Variants in SEMA3A observed in about 807,000 individuals in gnomAD.
SEMA3A encodes the protein semaphorin-3A.
Under a neutral mutation model 97.9 loss-of-function variants are expected in SEMA3A, and 29 were observed. The observed-to-expected ratio is 0.30, with a 90% CI of 0.22 to 0.40. The LOEUF is 0.40. SEMA3A is among the 10% of genes least tolerant of loss of function. The pLI, the probability that SEMA3A is intolerant of heterozygous loss-of-function variation, is 1.00. For synonymous variants in SEMA3A, 321 were observed against 323.7 expected (o/e 0.99, Z 0.09); for missense variants, 763 against 951.3 (o/e 0.80, Z 2.60).
chr7:84,405,640 T>G (rs1046806867), intron 1 of SEMA3A, among the ~76,000 whole-genome samples: 1 of 152,194 alleles, frequency 6.6e-6, no homozygotes, highest in Non-Finnish European at 1.5e-5. Flanking sequence ...ACCACATAGT[T>G]GGAAGTAAAG....
intron 4 of SEMA3A, among the ~76,000 whole-genome samples, chr7:84,104,434 GC>G (rs1562784925): frequency 6.6e-6 from 1 of 152,078 alleles, no homozygotes; most frequent in East Asian, 1.9e-4. Flanking sequence ...GGGAAAAAAA[GC>G]TGTCAAGTAT....
intron 13 of SEMA3A, among the ~76,000 whole-genome samples, chr7:83,984,322 G>A (rs1789541587): frequency 6.6e-6 from 1 of 152,128 alleles, no homozygotes; most frequent in South Asian, 2.1e-4. Context: ...TACTTATGCA[G>A]TGTAAGATAA....
chr7:84,422,936 C>T (rs577974263), intron 1 of SEMA3A, among the ~76,000 whole-genome samples: 1 of 152,058 alleles, frequency 6.6e-6, no homozygotes, highest in Admixed American at 6.6e-5. Context: ...CCAGTCTATC[C>T]TTTTAACCAT....
chr7:84,112,335 A>G (rs1562789762), intron 3 of SEMA3A, among the ~76,000 whole-genome samples: 1 of 152,330 alleles, frequency 6.6e-6, no homozygotes, highest in East Asian at 1.9e-4. Flanking sequence ...CAGATATTCT[A>G]ATAAATAATA....
At chr7:84,218,713 T>C (rs527275223) in intron 3 of SEMA3A, among the ~76,000 whole-genome samples, 1 of 152,258 alleles carries the variant, frequency 6.6e-6, no homozygotes, top group Non-Finnish European at 1.5e-5. Flanking sequence ...AGTATGGTAA[T>C]ATAAATGACA....
intron 1 of SEMA3A, among the ~76,000 whole-genome samples, chr7:84,405,853 G>C (rs1371832767): frequency 2.6e-5 from 4 of 152,076 alleles, no homozygotes; most frequent in African/African-American, 9.7e-5. Flanking sequence ...AAACCAATGA[G>C]AACAAAGACA....
Position 84,160,642 on chromosome 7 carries a change from G to A in SEMA3A, c.113-25691C>T, listed in dbSNP as rs377447757. On this transcript the variant is annotated intron_variant, in intron 1 of 16. Coordinates refer to ENST00000265362, the MANE Select transcript of SEMA3A (RefSeq NM_006080.3). ...GCCTGTAATCCCAGCACTTTGGGAG[G>A]CCGAAGCAGGTGGATCACTTGAGGT... is the stretch of plus-strand genomic sequence containing the variant. Among the ~76,000 whole-genome samples, 4 of 151,928 alleles carry A rather than the reference G, an allele frequency of 2.6e-5. No individual in the cohort carries two copies. In the East Asian group the frequency reaches 7.8e-4, roughly 30 times the overall value.
chr7:84,170,604 T>C (rs1797356240), intron 1 of SEMA3A, among the ~76,000 whole-genome samples: 1 of 152,046 alleles, frequency 6.6e-6, no homozygotes, highest in Non-Finnish European at 1.5e-5. Context: ...CTGAAAATTA[T>C]TTTAGGGTAT....
intron 6 of SEMA3A, among the ~76,000 whole-genome samples, chr7:84,020,096 A>C (rs1214284036): frequency 9.1e-6 from 1 of 110,384 alleles, no homozygotes; most frequent in Admixed American, 1.5e-4. Context: ...CCCAGGCTGG[A>C]GTGCACTGGC....
chr7:84,341,572 C>T (rs186641820), intron 2 of SEMA3A, among the ~76,000 whole-genome samples: 1 of 152,044 alleles, frequency 6.6e-6, no homozygotes, highest in Non-Finnish European at 1.5e-5. Flanking sequence ...TTCATTCTAT[C>T]AGCAGGTCCT....
chr7:84,422,773 C>A (rs571601106), intron 1 of SEMA3A, among the ~76,000 whole-genome samples: 1 of 151,968 alleles, frequency 6.6e-6, no homozygotes, highest in African/African-American at 2.4e-5. Context: ...TTGTTATGTA[C>A]CCAGTAGTCA....
intron 4 of SEMA3A, among the ~76,000 whole-genome samples, chr7:84,090,159 T>A (rs1159843757): frequency 6.6e-6 from 1 of 151,960 alleles, no homozygotes; most frequent in Non-Finnish European, 1.5e-5. Flanking sequence ...AGTGGAGGAG[T>A]AATTTTATGC....
intron 3 of SEMA3A, among the ~76,000 whole-genome samples, chr7:84,253,671 AAATTATATC>A (rs1415294947): frequency 5.3e-5 from 8 of 152,136 alleles, no homozygotes; most frequent in Admixed American, 4.6e-4. Flanking sequence ...GTAAGAAGTT[AAATTATATC>A]TTGGAAGGAG....
intron 12 of SEMA3A, among the ~76,000 whole-genome samples, chr7:83,996,660 C>G (rs1381401582): frequency 2.0e-5 from 3 of 151,006 alleles, no homozygotes; most frequent in South Asian, 4.2e-4. Flanking sequence ...TAATCACAGT[C>G]TTTACTGTGA....
chr7:84,217,071 T>C (rs967061821), intron 3 of SEMA3A, among the ~76,000 whole-genome samples: 2 of 152,190 alleles, frequency 1.3e-5, no homozygotes, highest in East Asian at 1.9e-4. Flanking sequence ...ATGGAGCAAA[T>C]AGCCAACTAT....
At chr7:84,052,826 T>C (rs1792745438) in intron 5 of SEMA3A, among the ~76,000 whole-genome samples, 1 of 151,304 alleles carries the variant, frequency 6.6e-6, no homozygotes, top group Non-Finnish European at 1.5e-5. Flanking sequence ...TTTGGATCTT[T>C]CCTGCTTTCT....
In SEMA3A at chr7:84,001,069, G is replaced by T. The variant is rs562071764; in HGVS notation, c.1452+886C>A. Among the ~76,000 whole-genome samples, 741 of 147,918 alleles carry T rather than the reference G, an allele frequency of 5.0e-3. 6 individuals are homozygous for T. Among genetic ancestry groups the T allele is most frequent in the Non-Finnish European group, 4.7e-3 (316 of 66,700 alleles). On this transcript the variant is annotated intron_variant, in intron 12 of 16. Coordinates refer to ENST00000265362, the MANE Select transcript of SEMA3A (RefSeq NM_006080.3). The stretch of plus-strand genomic sequence containing the variant: ...TGTCTACCAACTTCTTCTAATACGT[G>T]TTTTTTTTTTTTGCAGTTATAAATA...
At chr7:84,478,470 T>C (rs1030424726) in intron 1 of SEMA3A, among the ~76,000 whole-genome samples, 4 of 152,144 alleles carry the variant, frequency 2.6e-5, no homozygotes, top group African/African-American at 4.8e-5. Context: ...ATATAGATCT[T>C]GGTGAAAATA....
chr7:84,173,521 T>C (rs1002660499), intron 1 of SEMA3A, among the ~76,000 whole-genome samples: 32 of 134,674 alleles, frequency 2.4e-4, no homozygotes, highest in African/African-American at 8.8e-4. Flanking sequence ...ATCACGCCAC[T>C]GCACTCCAGC....
Sources: allele counts gnomAD v4.1 joint callset (sites outside exome capture counted in the v4.1 genomes callset), GRCh38; gene constraint gnomAD v4.1.1; transcripts MANE v1.5; gene names NCBI Gene and HGNC (gene_info 2026-07-23, HGNC 2026-07-21).